The following GRM8 variants were observed in gnomAD, a reference collection of about 807,000 sequenced individuals.
GRM8 encodes the protein metabotropic glutamate receptor 8.
In GRM8, 47 loss-of-function variants were observed where a neutral mutation model predicts 87.2. That is an observed-to-expected ratio of 0.54 (90% CI 0.43 to 0.69). The LOEUF (loss-of-function observed/expected upper bound fraction) is 0.69. Among genes scored for constraint, GRM8 ranks in the 30% least tolerant of loss-of-function variants. The probability of loss-of-function intolerance (pLI) is 0.00; values close to 1 mark genes in which losing one functional copy is unlikely to be tolerated. For missense variants in GRM8, 1,019 were observed against 1,139.2 expected (o/e 0.89, Z 1.52); for synonymous variants, 396 against 404.5 (o/e 0.98, Z 0.25).
At chr7:126,513,778 T>TA (rs1221776783) in intron 9 of GRM8, among the ~76,000 whole-genome samples, 1 of 152,112 alleles carries the variant, frequency 6.6e-6, no homozygotes, top group African/African-American at 2.4e-5. Flanking sequence ...AAGGAGGACT[T>TA]AGAGACCTGT....
chr7:126,793,400 C>T (rs1486263300), intron 6 of GRM8, among the ~76,000 whole-genome samples: 1 of 152,096 alleles, frequency 6.6e-6, no homozygotes, highest in African/African-American at 2.4e-5. Context: ...TCAGCACAGG[C>T]CACTTAAAAT....
intron 7 of GRM8, among the ~76,000 whole-genome samples, chr7:126,691,211 G>C (rs1011715356): frequency 3.9e-5 from 6 of 152,236 alleles, no homozygotes; most frequent in Admixed American, 6.5e-5. Flanking sequence ...CCAAAGTCCA[G>C]AGGGGGCTAA....
chr7:126,445,186 A>G (rs1256021402), intron 10 of GRM8: 1 of 152,060 alleles, frequency 6.6e-6, no homozygotes, highest in East Asian at 1.9e-4. Context: ...ACAAATATTG[A>G]ATCCCTATGC....
In GRM8 at chr7:127,182,635, GTGTGT is replaced by G. The variant is rs1794519317; in HGVS notation, c.510+60055_510+60059del. ...AATGAGTAGATAAAGAAAGTGTGGT[GTGTGT>G]GTGTGTGTGTGTGTGTGTGTGTGTG... On this transcript the variant is annotated intron_variant, in intron 2 of 10. Transcript: ENST00000339582. Among the ~76,000 whole-genome samples the G allele has an allele frequency of 3.3e-3, 31 of 9,318 alleles. No homozygotes were observed. In the South Asian group the frequency reaches 0.072, roughly 22 times the overall value. 6.1% of individuals were successfully genotyped at this position (9,318 alleles called of 152,430 possible). A position where few individuals can be genotyped will look rare whatever the true frequency, so the allele number is the denominator to read the frequency against.
intron 6 of GRM8, among the ~76,000 whole-genome samples, chr7:126,783,100 C>T (rs1351868796): frequency 6.6e-6 from 1 of 152,162 alleles, no homozygotes; most frequent in Non-Finnish European, 1.5e-5. Flanking sequence ...ACAGAGGCTG[C>T]AGACTGTGTT....
intron 3 of GRM8, among the ~76,000 whole-genome samples, chr7:127,000,210 A>G (rs1813591254): frequency 6.6e-6 from 1 of 151,778 alleles, no homozygotes; most frequent in Non-Finnish European, 1.5e-5. Context: ...GAACTCATGG[A>G]GAGAGCAGAA....
At chr7:127,042,412 A>T (rs188494452) in intron 3 of GRM8, among the ~76,000 whole-genome samples, 1 of 152,356 alleles carries the variant, frequency 6.6e-6, no homozygotes, top group African/African-American at 2.4e-5. Flanking sequence ...TGAAGTGGGG[A>T]GGTGCAATCG....
intron 7 of GRM8, among the ~76,000 whole-genome samples, chr7:126,731,696 C>A (rs1813597516): frequency 6.6e-6 from 1 of 151,894 alleles, no homozygotes; most frequent in Non-Finnish European, 1.5e-5. Flanking sequence ...AGCACATGCA[C>A]AATTATTACA....
chr7:126,719,904 A>G (rs1033221377), intron 7 of GRM8, among the ~76,000 whole-genome samples: 5 of 149,686 alleles, frequency 3.3e-5, no homozygotes, highest in Non-Finnish European at 7.4e-5. Flanking sequence ...AGCAAGTTCT[A>G]TATTTTTTCT....
rs113936871 is a variant in GRM8, at chr7:126,911,304, A to C, written c.728-6621T>G. ...ATCGGGGCAATTTTAAGGTGAGAGA[A>C]TGAGAAAAGTTATTTACATTCTTCT... On this transcript the variant is annotated intron_variant, in intron 3 of 10. Transcript: ENST00000339582. 8.5e-4 allele frequency among the ~76,000 whole-genome samples: 130 copies of C among 152,326 alleles called. 1 individual carries two copies. Among genetic ancestry groups the C allele is most frequent in the African/African-American group, 3.0e-3 (124 of 41,578 alleles).
intron 3 of GRM8, among the ~76,000 whole-genome samples, chr7:126,915,331 G>A (rs556158205): frequency 2.0e-5 from 3 of 152,266 alleles, no homozygotes; most frequent in Non-Finnish European, 2.9e-5. Context: ...AACACATTAC[G>A]TTTTCCTCAG....
At chr7:126,815,785 C>G (rs1793731597) in intron 6 of GRM8, among the ~76,000 whole-genome samples, 1 of 152,140 alleles carries the variant, frequency 6.6e-6, no homozygotes. Flanking sequence ...TGATGCTGAT[C>G]TGTTGCATGC....
At chr7:126,491,367 G>A (rs1356818225) in intron 9 of GRM8, among the ~76,000 whole-genome samples, 1 of 151,924 alleles carries the variant, frequency 6.6e-6, no homozygotes, top group Non-Finnish European at 1.5e-5. Context: ...AAAATAGTGT[G>A]TCTATTATCT....
rs191535906 is a variant in GRM8, at chr7:127,040,854, T to G, written c.727+65642A>C. On this transcript the variant is annotated intron_variant, in intron 3 of 10. Coordinates refer to ENST00000339582, the MANE Select transcript of GRM8 (RefSeq NM_000845.3). ...TCTTAAAGCTACGAGCTGTCTAATA[T>G]GCTACATGAGGAAGAGAATGGGAAA... Among the ~76,000 whole-genome samples the G allele has an allele frequency of 2.0e-5, 3 of 152,290 alleles. No individual in the cohort carries two copies. In the East Asian group the frequency reaches 5.8e-4, roughly 29 times the overall value.
intron 9 of GRM8, among the ~76,000 whole-genome samples, chr7:126,494,447 T>C (rs1013906351): frequency 2.6e-5 from 4 of 152,002 alleles, no homozygotes; most frequent in African/African-American, 7.2e-5. Flanking sequence ...TATGACATGA[T>C]AAAGACATCC....
At position 127,224,360 on chromosome 7, in the gene GRM8, G is replaced by A. The variant is rs374725895; in HGVS notation, c.510+18335C>T. 7.2e-5 allele frequency among the ~76,000 whole-genome samples: 11 copies of A among 152,246 alleles called. No individual in the cohort carries two copies. In the East Asian group the frequency reaches 1.7e-3, roughly 24 times the overall value. The stretch of plus-strand genomic sequence containing the variant: ...AACAATTTGAATGACAGAGGATTTC[G>A]CAAAATAAACCAAGGAGGCCAGTAG... On this transcript the variant is annotated intron_variant, in intron 2 of 10. Transcript: ENST00000339582.
chr7:126,961,013 A>G (rs1809263862), intron 3 of GRM8, among the ~76,000 whole-genome samples: 3 of 152,190 alleles, frequency 2.0e-5, no homozygotes, highest in Admixed American at 6.5e-5. Flanking sequence ...TGCTCTTGAA[A>G]ATATTCATAC....
chr7:126,641,595 A>C (rs543343445), intron 7 of GRM8, among the ~76,000 whole-genome samples: 1 of 152,272 alleles, frequency 6.6e-6, no homozygotes, highest in South Asian at 2.1e-4. Context: ...CCATATGGAG[A>C]AGCTTTCTTA....
intron 3 of GRM8, among the ~76,000 whole-genome samples, chr7:126,936,479 G>A (rs1266400960): frequency 6.6e-6 from 1 of 152,116 alleles, no homozygotes; most frequent in African/African-American, 2.4e-5. Context: ...CTCCCTTTTA[G>A]TTATAGAATT....
Sources: allele counts gnomAD v4.1 joint callset (sites outside exome capture counted in the v4.1 genomes callset), GRCh38; gene constraint gnomAD v4.1.1; transcripts MANE v1.5; gene names NCBI Gene and HGNC (gene_info 2026-07-23, HGNC 2026-07-21).